Variants in ACOX3 observed in about 807,000 individuals in gnomAD.
ACOX3 encodes the protein acyl-CoA oxidase 3, pristanoyl, also known as peroxisomal acyl-coenzyme A oxidase 3.
Under a neutral mutation model 81.5 loss-of-function variants are expected in ACOX3, and 73 were observed. The observed-to-expected ratio is 0.90, with a 90% CI of 0.74 to 1.09. The LOEUF (loss-of-function observed/expected upper bound fraction) is 1.09, where lower values mean the gene tolerates loss of function less well. Among genes scored for constraint, ACOX3 ranks in the 50% least tolerant of loss-of-function variants. The probability of loss-of-function intolerance (pLI) is 0.00; values close to 1 mark genes in which losing one functional copy is unlikely to be tolerated. For missense variants in ACOX3, 947 were observed against 928.0 expected (o/e 1.02, Z -0.27); for synonymous variants, 387 against 375.1 (o/e 1.03, Z -0.37).
At chr4:8,413,989 G>A (rs1722065916) in intron 5 of ACOX3, among the ~76,000 whole-genome samples, 1 of 152,178 alleles carries the variant, frequency 6.6e-6, no homozygotes, top group South Asian at 2.1e-4. Context: ...TAGGCAGCCA[G>A]GTAAACAAGG....
chr4:8,361,022 AAC>A, the ACOX3 span, among the ~76,000 whole-genome samples: 1 of 152,218 alleles, frequency 6.6e-6, no homozygotes, highest in African/African-American at 2.4e-5. Flanking sequence ...TGCTAAAAAA[AAC>A]AGTTTTACAT....
Position 8,375,051 on chromosome 4 carries a change from C to T in ACOX3, c.1755G>A (p.Arg585=), listed in dbSNP as rs998386672. The change falls in exon 15 of 18, where the codon CGG becomes CGA. Residue 585 remains arginine (R), a synonymous_variant. Coordinates refer to ENST00000356406, the MANE Select transcript of ACOX3 (RefSeq NM_003501.3). ...GAGCACTGAGCCGCCCCAGCACGGC[C>T]CGCAGCGAGGGCGGCACGGAAGGCT... The part of the protein sequence containing the change: ...VHQPSVPPSL[R]AVLGRLSALY... 3 of 1,554,896 alleles carry T rather than the reference C, an allele frequency of 1.9e-6. No individual in the cohort carries two copies. The highest frequency in any genetic ancestry group is 2.6e-6 in the Non-Finnish European group (3 of 1,149,066).
intron 14 of ACOX3, 106 bp from the exon 15 acceptor site, chr4:8,375,258 G>T: frequency 8.9e-7 from 1 of 1,124,738 alleles, no homozygotes; most frequent in Non-Finnish European, 1.3e-6. Flanking sequence ...GCGTTCCCGT[G>T]CATGTCCTAG....
In ACOX3 at chr4:8,382,998, AAAAAAAAAG is replaced by A. The variant is rs1164521474; in HGVS notation, c.1538-1400_1538-1392del. ...AGAGCGAGACTCCGTCTCAAAAAAAAAAAAAAAAGAAAAGAAAATACCCAACGTTGCAGT... is the reference window on the plus strand; with the variant it reads ...AGAGCGAGACTCCGTCTCAAAAAAAAAAAAGAAAATACCCAACGTTGCAGT... On this transcript the variant is annotated intron_variant, in intron 13 of 17. Coordinates refer to ENST00000356406, the MANE Select transcript of ACOX3 (RefSeq NM_003501.3). The surrounding 1 kb of genome is among the most constrained non-coding windows in gnomAD (Gnocchi z 4.1). Among the ~76,000 whole-genome samples the A allele has an allele frequency of 3.3e-5, 5 of 150,096 alleles. No individual in the cohort carries two copies. Among genetic ancestry groups the A allele is most frequent in the African/African-American group, 4.9e-5 (2 of 41,012 alleles).
chr4:8,378,366 C>A (rs889133249), intron 14 of ACOX3, among the ~76,000 whole-genome samples: 2 of 152,160 alleles, frequency 1.3e-5, no homozygotes, highest in Non-Finnish European at 2.9e-5. Context: ...GTGAAATGAC[C>A]CAGGTACAGA....
chr4:8,359,704 T>TA, the ACOX3 span, among the ~76,000 whole-genome samples: 17 of 152,346 alleles, frequency 1.1e-4, no homozygotes, highest in East Asian at 2.3e-3. The surrounding 1 kb of genome is among the most constrained non-coding windows in gnomAD (Gnocchi z 6.0). Flanking sequence ...AGCAGCCACC[T>TA]AAACTTTTCA....
chr4:8,366,848 C>T lies in ACOX3; in HGVS notation c.*113G>A, dbSNP rs551999993. The T allele has an allele frequency of 4.0e-5, 59 of 1,464,638 alleles. No individual in the cohort carries two copies. The highest frequency in any genetic ancestry group is 3.8e-4 in the African/African-American group (27 of 71,962). 90.7% of individuals were successfully genotyped at this position (1,464,638 alleles called of 1,614,324 possible). A position where few individuals can be genotyped will look rare whatever the true frequency, so the allele number is the denominator to read the frequency against. ...AATCAGCAGTTTAGGCGCACAGGTG[C>T]GGGCTCAGAAAGCAGCAGCAATCTC... is the stretch of plus-strand genomic sequence containing the variant. On this transcript the variant is annotated 3_prime_UTR_variant, in exon 18 of 18. Transcript: ENST00000356406.
At chr4:8,371,177 C>T (rs566575697) in intron 16 of ACOX3, among the ~76,000 whole-genome samples, 183 bp from the exon 17 acceptor site, 1 of 152,334 alleles carries the variant, frequency 6.6e-6, no homozygotes, top group Non-Finnish European at 1.5e-5. Context: ...TTGCTGTGCA[C>T]TGGAATGTTC....
chr4:8,420,691 G>C (rs1722844008), intron 1 of ACOX3, among the ~76,000 whole-genome samples: 1 of 152,148 alleles, frequency 6.6e-6, no homozygotes, highest in South Asian at 2.1e-4. Context: ...TCTTGCAACT[G>C]CACACTCTTC....
intron 5 of ACOX3, among the ~76,000 whole-genome samples, chr4:8,412,521 T>C (rs28521181): frequency 0.037 from 5,684 of 152,104 alleles, 367 homozygotes; most frequent in African/African-American, 0.13. Flanking sequence ...GAAGGATGAA[T>C]GGATGGATGG....
chr4:8,419,928 G>A lies in ACOX3; in HGVS notation c.-14-3393C>T, dbSNP rs1318661836. 6.6e-6 allele frequency among the ~76,000 whole-genome samples: 1 copy of A among 152,192 alleles called. No homozygotes were observed. The highest frequency in any genetic ancestry group is 2.4e-5 in the African/African-American group (1 of 41,432). ...ACCTCAGTACATTACCAAGTCCACA[G>A]TGCATCTCTAACACCTTACGGAATC... On this transcript the variant is annotated intron_variant, in intron 1 of 17. Coordinates refer to ENST00000356406, the MANE Select transcript of ACOX3 (RefSeq NM_003501.3). The surrounding 1 kb of genome is among the most constrained non-coding windows in gnomAD (Gnocchi z 4.2).
chr4:8,410,851 C>T (rs995571132), intron 5 of ACOX3, among the ~76,000 whole-genome samples: 3 of 152,222 alleles, frequency 2.0e-5, no homozygotes, highest in Admixed American at 1.3e-4. Flanking sequence ...CCAAATGCCC[C>T]GAGCACAAGG....
intron 1 of ACOX3, among the ~76,000 whole-genome samples, chr4:8,428,095 C>T (rs2109032861): frequency 6.6e-6 from 1 of 152,390 alleles, no homozygotes; most frequent in Non-Finnish European, 1.5e-5. Context: ...ATGTGAATCA[C>T]TTCCCTTTCG....
intron 1 of ACOX3, among the ~76,000 whole-genome samples, chr4:8,434,022 G>A (rs1307833931): frequency 6.6e-6 from 1 of 150,796 alleles, no homozygotes; most frequent in Non-Finnish European, 1.5e-5. Flanking sequence ...GACAACCTTG[G>A]CACCACCACG....
chr4:8,411,331 C>T (rs533360111), intron 5 of ACOX3, among the ~76,000 whole-genome samples: 6 of 152,198 alleles, frequency 3.9e-5, no homozygotes, highest in Non-Finnish European at 5.9e-5. Flanking sequence ...AATAACGTGC[C>T]GGGGAGGGCT....
At chr4:8,363,865 G>A (rs1273549840), downstream of ACOX3, among the ~76,000 whole-genome samples, 2 of 152,084 alleles carry the variant, frequency 1.3e-5, no homozygotes, top group African/African-American at 4.8e-5. Flanking sequence ...CCATGGCAAC[G>A]TCAGGAAGTT....
chr4:8,395,427 G>A (rs569931849), intron 9 of ACOX3, among the ~76,000 whole-genome samples: 1 of 151,768 alleles, frequency 6.6e-6, no homozygotes, highest in South Asian at 2.1e-4. Context: ...TGGGTGGCTG[G>A]GTACATGGCA....
chr4:8,407,015 T>C lies in ACOX3; in HGVS notation c.688-972A>G, dbSNP rs1721060389. On this transcript the variant is annotated intron_variant, in intron 6 of 17. Coordinates refer to ENST00000356406, the MANE Select transcript of ACOX3 (RefSeq NM_003501.3). The surrounding 1 kb of genome is among the most constrained non-coding windows in gnomAD (Gnocchi z 4.6). ...TCTGCTAAGTAGCAGGTGTTTTTCCTTGACACTTATGCTACCGCTAGACCA... is the reference window on the plus strand; with the variant it reads ...TCTGCTAAGTAGCAGGTGTTTTTCCCTGACACTTATGCTACCGCTAGACCA... Among the ~76,000 whole-genome samples the C allele has an allele frequency of 6.6e-6, 1 of 152,166 alleles. No homozygotes were observed. Among genetic ancestry groups the C allele is most frequent in the Non-Finnish European group, 1.5e-5 (1 of 68,024 alleles).
Position 8,394,522 on chromosome 4 carries a change from CA to C in ACOX3, c.1179+97del. On this transcript the variant is annotated intron_variant, in intron 10 of 17. Transcript: ENST00000356406. The surrounding 1 kb of genome is among the most constrained non-coding windows in gnomAD (Gnocchi z 5.9). ...GGAGGAATGCTCTGTCCTCGCAAAT[CA>C]AAGGACTGATTTTGCTTTGAAATGA... The C allele has an allele frequency of 6.6e-7, 1 of 1,517,300 alleles. No individual in the cohort carries two copies. Among genetic ancestry groups the C allele is most frequent in the Non-Finnish European group, 8.9e-7 (1 of 1,127,608 alleles). 94.0% of individuals were successfully genotyped at this position (1,517,300 alleles called of 1,614,324 possible). A position where few individuals can be genotyped will look rare whatever the true frequency, so the allele number is the denominator to read the frequency against.
Sources: allele counts gnomAD v4.1 joint callset (sites outside exome capture counted in the v4.1 genomes callset), GRCh38; gene constraint gnomAD v4.1.1; non-coding constraint Gnocchi (gnomAD v3.1); transcripts MANE v1.5; gene names NCBI Gene and HGNC (gene_info 2026-07-23, HGNC 2026-07-21).